Variants in STRADA observed in about 807,000 individuals in gnomAD.
The protein encoded by STRADA is STE20 related adaptor alpha, also known as STE20-related kinase adapter protein alpha.
STRADA carries 26 observed loss-of-function variants against 55.0 expected under a neutral mutation model. The ratio of observed to expected loss-of-function variants is 0.47; its 90% CI spans 0.35 to 0.66. STRADA has a LOEUF of 0.66. STRADA is among the 30% of genes least tolerant of loss of function. The pLI is 0.01. For synonymous variants in STRADA, 197 were observed against 210.9 expected, an observed-to-expected ratio of 0.93 and a Z score of 0.57; for missense variants, 443 against 549.7, an observed-to-expected ratio of 0.81 and a Z score of 1.94.
chr17:63,731,276 T>C (rs1598258478), intron 1 of STRADA, among the ~76,000 whole-genome samples: 1 of 146,332 alleles, frequency 6.8e-6, no homozygotes, highest in East Asian at 2.0e-4. Context: ...TTTTTTTTTT[T>C]TTTCTGAGAC....
At chr17:63,735,828 A>G (rs975789960) in intron 1 of STRADA, among the ~76,000 whole-genome samples, 3 of 152,354 alleles carry the variant, frequency 2.0e-5, no homozygotes, top group African/African-American at 7.2e-5. Flanking sequence ...AAAACTGCGC[A>G]ATAAGGAATG....
At chr17:63,738,977 T>G (rs893457745) in intron 1 of STRADA, among the ~76,000 whole-genome samples, 1 of 150,958 alleles carries the variant, frequency 6.6e-6, no homozygotes, top group Non-Finnish European at 1.5e-5. Context: ...TGATGAAACC[T>G]CATCTCTACT....
chr17:63,703,504 C>G lies in STRADA; in HGVS notation c.*95G>C, dbSNP rs1462893967. 8.2e-7 allele frequency: 1 copy of G among 1,212,154 alleles called. No homozygotes were observed. Among genetic ancestry groups the G allele is most frequent in the African/African-American group, 1.5e-5 (1 of 64,986 alleles). The allele number at this position is 1,212,154 out of a possible 1,614,324, so 75.1% of individuals were successfully genotyped here. A position where few individuals can be genotyped will look rare whatever the true frequency, so the allele number is the denominator to read the frequency against. The stretch of plus-strand genomic sequence containing the variant: ...TGGAAGAATGTCCTTTCTACCCAAT[C>G]TGCCCAGGAGGGCGGGAATGTGGCC... On this transcript the variant is annotated 3_prime_UTR_variant, in exon 13 of 13. Coordinates refer to ENST00000336174, the MANE Select transcript of STRADA (RefSeq NM_001003787.4).
chr17:63,734,397 C>A (rs1184350331), intron 1 of STRADA, among the ~76,000 whole-genome samples: 1 of 151,048 alleles, frequency 6.6e-6, no homozygotes, highest in Non-Finnish European at 1.5e-5. Flanking sequence ...AATCCCAGCA[C>A]TTAGCAAGGC....
chr17:63,713,985 A>G (rs1035243228), intron 5 of STRADA, 21 bp downstream of exon 5: 2 of 1,598,610 alleles, frequency 1.3e-6, no homozygotes, highest in Middle Eastern at 1.7e-4. Flanking sequence ...GCAGGAGAGT[A>G]AGGACGGCCC....
chr17:63,733,213 T>G (rs1197615689), intron 1 of STRADA, among the ~76,000 whole-genome samples: 1 of 152,226 alleles, frequency 6.6e-6, no homozygotes, highest in Non-Finnish European at 1.5e-5. Flanking sequence ...GACACACTTT[T>G]GCAAAGAGAT....
At chr17:63,726,764 A>T in intron 2 of STRADA, 69 bp from the exon 3 acceptor site, 1 of 1,499,126 alleles carries the variant, frequency 6.7e-7, no homozygotes, top group Non-Finnish European at 9.3e-7. Context: ...ATCAGCCTTT[A>T]GACAGACAAA....
intron 1 of STRADA, among the ~76,000 whole-genome samples, chr17:63,737,776 G>A (rs1029158517): frequency 1.3e-5 from 2 of 152,144 alleles, no homozygotes; most frequent in Non-Finnish European, 2.9e-5. Flanking sequence ...TTGGGAAACA[G>A]AGGTGGGTGG....
intron 4 of STRADA, among the ~76,000 whole-genome samples, chr17:63,719,902 T>C (rs1187042403): frequency 6.6e-6 from 1 of 152,214 alleles, no homozygotes; most frequent in Non-Finnish European, 1.5e-5. Flanking sequence ...AGGTAGGGAA[T>C]GATTCATTAA....
At chr17:63,736,145 T>C (rs1264903614) in intron 1 of STRADA, among the ~76,000 whole-genome samples, 1 of 151,988 alleles carries the variant, frequency 6.6e-6, no homozygotes, top group African/African-American at 2.4e-5. Context: ...CTTAACCATG[T>C]TGGCCAGGCT....
intron 5 of STRADA, 123 bp from the exon 6 acceptor site, chr17:63,713,650 A>G: frequency 4.8e-6 from 6 of 1,261,428 alleles, no homozygotes; most frequent in Non-Finnish European, 6.6e-6. Context: ...CACTACTGTT[A>G]CTTTTTTTTT....
chr17:63,710,057 A>T (rs1009252717), intron 8 of STRADA, among the ~76,000 whole-genome samples: 16 of 147,590 alleles, frequency 1.1e-4, no homozygotes, highest in African/African-American at 4.0e-4. Context: ...TTTTTCAGAC[A>T]AGAGTCTCAC....
chr17:63,725,837 T>G (rs534818541), intron 3 of STRADA: 1 of 151,852 alleles, frequency 6.6e-6, no homozygotes, highest in East Asian at 1.9e-4. Context: ...GCCCGGCTAA[T>G]TTTTTTGTAT....
In STRADA at chr17:63,726,698, A is replaced by G. The variant is rs200700038; in HGVS notation, c.37-3T>C. On this transcript the variant is annotated splice_polypyrimidine_tract_variant and splice_region_variant and intron_variant, in intron 2 of 12. Transcript: ENST00000336174. ...ATGAACTTTTCCGAGACCCACCGCT[A>G]AAGAGGAAAACCCCAAAGAGAATTA... is the stretch of plus-strand genomic sequence containing the variant. 56 of 1,614,100 alleles carry G rather than the reference A, an allele frequency of 3.5e-5. No individual in the cohort carries two copies. The African/African-American group carries it at 5.3e-4, about 15-fold the overall frequency.
At chr17:63,741,556 G>C (rs1373139229) in intron 1 of STRADA, 185 bp downstream of exon 1, 1 of 152,496 alleles carries the variant, frequency 6.6e-6, no homozygotes, top group Non-Finnish European at 1.5e-5. Context: ...AGCCTATTCT[G>C]CTCTCGGGCT....
intron 1 of STRADA, chr17:63,741,364 G>C (rs2038933608): frequency 6.6e-6 from 1 of 152,390 alleles, no homozygotes; most frequent in Non-Finnish European, 1.5e-5. Flanking sequence ...AAAGTGCGCG[G>C]CGGCTGGGGA....
chr17:63,741,953 G>A (rs1405862363), upstream of STRADA: 6 of 152,326 alleles, frequency 3.9e-5, no homozygotes, highest in South Asian at 1.2e-3. Flanking sequence ...GCAGGCCCTA[G>A]CAGCCGCCGC....
At chr17:63,726,609 G>A in intron 3 of STRADA, 29 bp downstream of exon 3, 1 of 1,604,754 alleles carries the variant, frequency 6.2e-7, no homozygotes, top group South Asian at 1.1e-5. Flanking sequence ...ATATCCTGAA[G>A]TGATGGCTAA....
At chr17:63,715,818 G>A (rs1051654165) in intron 4 of STRADA, among the ~76,000 whole-genome samples, 3 of 151,980 alleles carry the variant, frequency 2.0e-5, no homozygotes, top group Admixed American at 6.6e-5. Context: ...ACTGTAGTTC[G>A]CCCATTTTCA....
Sources: allele counts gnomAD v4.1 joint callset (sites outside exome capture counted in the v4.1 genomes callset), GRCh38; gene constraint gnomAD v4.1.1; transcripts MANE v1.5; gene names NCBI Gene and HGNC (gene_info 2026-07-23, HGNC 2026-07-21).